Variants in COBLL1 observed in about 807,000 individuals in gnomAD.
COBLL1 encodes the protein cordon-bleu protein-like 1.
In COBLL1, 50 loss-of-function variants were observed where a neutral mutation model predicts 94.8. That is an observed-to-expected ratio of 0.53 (90% CI 0.42 to 0.67). The LOEUF (loss-of-function observed/expected upper bound fraction) is 0.67, where lower values mean the gene tolerates loss of function less well. Among genes scored for constraint, COBLL1 ranks in the 30% least tolerant of loss-of-function variants. COBLL1 has a pLI of 0.00. For missense variants in COBLL1, 1,362 were observed against 1,348.7 expected (o/e 1.01, Z -0.15); for synonymous variants, 448 against 473.8 (o/e 0.95, Z 0.71).
chr2:164,727,153 G>T, intron 5 of COBLL1: 2 of 1,484,182 alleles, frequency 1.3e-6, no homozygotes, highest in Non-Finnish European at 1.8e-6. Context: ...GGCTACAGAA[G>T]GAGGGGTATA....
Position 164,709,127 on chromosome 2 carries a change from T to TA in COBLL1, c.997-4023dup, listed in dbSNP as rs755054715. ...ATTTCATTATTCAGGCTAGAGGTCT[T>TA]AAAATAAGCTAGCTTTTTGTAAAAC... On this transcript the variant is annotated intron_variant, in intron 7 of 13. Transcript: ENST00000652658. Among the ~76,000 whole-genome samples the TA allele has an allele frequency of 2.6e-5, 4 of 152,228 alleles. No homozygotes were observed. In the East Asian group the frequency reaches 7.7e-4, roughly 29 times the overall value.
intron 11 of COBLL1, chr2:164,696,037 C>T (rs1683926510): frequency 4.1e-6 from 2 of 493,540 alleles, no homozygotes; most frequent in South Asian, 6.3e-5. Context: ...GTTTGGAATC[C>T]CTGGCTTAAC....
intron 2 of COBLL1, among the ~76,000 whole-genome samples, chr2:164,826,855 C>A (rs537475928): frequency 1.3e-5 from 2 of 151,818 alleles, no homozygotes; most frequent in South Asian, 4.2e-4. Context: ...TACTTGATCC[C>A]ATTAAATGAT....
chr2:164,795,242 T>TA (rs2105306222), intron 2 of COBLL1, among the ~76,000 whole-genome samples: 1 of 152,256 alleles, frequency 6.6e-6, no homozygotes, highest in East Asian at 1.9e-4. Context: ...CTCACAAGTC[T>TA]AAAGGGGTAT....
At position 164,694,512 on chromosome 2, in the gene COBLL1, A is replaced by G; in HGVS notation, c.2880T>C (p.Ala960=). 1 of 1,613,992 alleles carries G rather than the reference A, an allele frequency of 6.2e-7. No individual in the cohort carries two copies. Among genetic ancestry groups the G allele is most frequent in the Non-Finnish European group, 8.5e-7 (1 of 1,179,928 alleles). The change falls in exon 12 of 14, where the codon GCT becomes GCC. Residue 960 remains alanine, a synonymous_variant. Transcript: ENST00000652658. ...TCAGATTTTGTGTGGATACCTGACTAGCAGGAATTGTCACAGGTTTTGGAG... is the reference window on the plus strand; with the variant it reads ...TCAGATTTTGTGTGGATACCTGACTGGCAGGAATTGTCACAGGTTTTGGAG... ...PIAPKPVTIP[A]SQVSTQNLKT... is the part of the protein sequence containing the mutation.
intron 2 of COBLL1, among the ~76,000 whole-genome samples, chr2:164,745,166 A>G (rs1007683689): frequency 2.0e-5 from 3 of 152,166 alleles, no homozygotes; most frequent in African/African-American, 7.2e-5. Flanking sequence ...CCTATTCGGT[A>G]TTTTCAAAAT....
chr2:164,841,204 C>T lies in COBLL1; in HGVS notation c.-8G>A, dbSNP rs887515935. 1 of 1,231,870 alleles carries T rather than the reference C, an allele frequency of 8.1e-7. No homozygotes were observed. Among genetic ancestry groups the T allele is most frequent in the Non-Finnish European group, 1.0e-6 (1 of 988,824 alleles). 76.3% of individuals were successfully genotyped at this position (1,231,870 alleles called of 1,614,324 possible). On this transcript the variant is annotated 5_prime_UTR_variant, in exon 2 of 14. Coordinates refer to ENST00000652658, the MANE Select transcript of COBLL1 (RefSeq NM_001365672.2). The surrounding 1 kb of genome is among the most constrained non-coding windows in gnomAD (Gnocchi z 5.5). The stretch of plus-strand genomic sequence containing the variant: ...CGGGGTTCGGCCGTCCATCGCCCTG[C>T]GGGGCGCTGCGCGGGCTCCAGCTCC...
chr2:164,749,571 T>C (rs1028532896), intron 2 of COBLL1, among the ~76,000 whole-genome samples: 1 of 152,222 alleles, frequency 6.6e-6, no homozygotes, highest in Non-Finnish European at 1.5e-5. Flanking sequence ...TCAGTTTCTC[T>C]GTCTGGGTTT....
intron 2 of COBLL1, among the ~76,000 whole-genome samples, chr2:164,815,930 C>T (rs1187154764): frequency 6.6e-6 from 1 of 151,968 alleles, no homozygotes; most frequent in Non-Finnish European, 1.5e-5. Context: ...CATCGAAATC[C>T]TAATTATGGA....
intron 2 of COBLL1, among the ~76,000 whole-genome samples, chr2:164,757,725 T>A (rs1386404709): frequency 6.6e-6 from 1 of 151,974 alleles, no homozygotes; most frequent in Non-Finnish European, 1.5e-5. Context: ...GGTGGTAGGA[T>A]CACCTGATCC....
intron 2 of COBLL1, among the ~76,000 whole-genome samples, chr2:164,781,935 G>A (rs1190578665): frequency 6.6e-6 from 1 of 151,966 alleles, no homozygotes; most frequent in Non-Finnish European, 1.5e-5. Context: ...CATTATCAAT[G>A]TGTTGTTGAA....
intron 3 of COBLL1, among the ~76,000 whole-genome samples, chr2:164,735,167 G>A (rs955582846): frequency 2.0e-5 from 3 of 152,146 alleles, no homozygotes; most frequent in Admixed American, 6.5e-5. Context: ...TGGCTAGGTC[G>A]CTGTTGTCGA....
At chr2:164,697,918 A>C (rs1684038662) in intron 11 of COBLL1, 1 of 152,084 alleles carries the variant, frequency 6.6e-6, no homozygotes, top group Non-Finnish European at 1.5e-5. Flanking sequence ...CCCTCTACTC[A>C]AAAGTGACAC....
chr2:164,687,411 C>T, intron 13 of COBLL1: 1 of 919,486 alleles, frequency 1.1e-6, no homozygotes, highest in East Asian at 2.4e-5. Context: ...TGGTGAAGCC[C>T]CATTTCTTTG....
intron 5 of COBLL1, chr2:164,727,257 C>T: frequency 2.1e-6 from 1 of 487,576 alleles, no homozygotes. Flanking sequence ...AAAGCCACCA[C>T]CTCAGGATAA....
chr2:164,736,687 C>G (rs1008053438), intron 3 of COBLL1, among the ~76,000 whole-genome samples: 1 of 151,954 alleles, frequency 6.6e-6, no homozygotes, highest in African/African-American at 2.4e-5. Context: ...ACAAATATAT[C>G]TCACTATAAT....
intron 2 of COBLL1, among the ~76,000 whole-genome samples, chr2:164,813,140 G>C (rs1684539494): frequency 6.6e-6 from 1 of 152,024 alleles, no homozygotes; most frequent in Non-Finnish European, 1.5e-5. Flanking sequence ...CAAATGGATA[G>C]ATATGTGCAA....
At chr2:164,752,931 T>C (rs1441373883) in intron 2 of COBLL1, among the ~76,000 whole-genome samples, 1 of 152,198 alleles carries the variant, frequency 6.6e-6, no homozygotes, top group East Asian at 1.9e-4. Flanking sequence ...TGACATAAAA[T>C]ATTTATGCAC....
Position 164,664,789 on chromosome 2 carries a change from A to C in COBLL1, n.181+1058T>G, listed in dbSNP as rs527362644. Among the ~76,000 whole-genome samples the C allele has an allele frequency of 4.6e-5, 7 of 152,336 alleles. No individual in the cohort carries two copies. The East Asian group carries it at 1.4e-3, about 29-fold the overall frequency. On this transcript the variant is annotated intron_variant and non_coding_transcript_variant, in intron 2 of 2. Coordinates refer to the COBLL1 transcript ENST00000495084. Reference sequence around the variant, plus strand: ...TGAATACAAGATGAGAATAACGAGAAGATGTTCTTAGTGACACAAAACCAT... The same window carrying C: ...TGAATACAAGATGAGAATAACGAGACGATGTTCTTAGTGACACAAAACCAT...
Sources: allele counts gnomAD v4.1 joint callset (sites outside exome capture counted in the v4.1 genomes callset), GRCh38; gene constraint gnomAD v4.1.1; non-coding constraint Gnocchi (gnomAD v3.1); transcripts MANE v1.5; gene names NCBI Gene and HGNC (gene_info 2026-07-23, HGNC 2026-07-21).